The following LRBA variants were observed in gnomAD, a reference collection of about 807,000 sequenced individuals.
The protein encoded by LRBA is lipopolysaccharide-responsive and beige-like anchor protein.
Under a neutral mutation model 330.0 loss-of-function variants are expected in LRBA, and 176 were observed. The ratio of observed to expected loss-of-function variants is 0.53; its 90% CI spans 0.47 to 0.60. The LOEUF (loss-of-function observed/expected upper bound fraction) is 0.60, where lower values mean the gene tolerates loss of function less well. Among genes scored for constraint, LRBA ranks in the 20% least tolerant of loss-of-function variants. The pLI is 0.00. For missense variants in LRBA, 3,259 were observed against 3,444.8 expected (o/e 0.95, Z 1.35); for synonymous variants, 1,230 against 1,193.0 (o/e 1.03, Z -0.64).
chr4:150,692,592 G>C (rs1281884585), intron 36 of LRBA, among the ~76,000 whole-genome samples: 1 of 152,128 alleles, frequency 6.6e-6, no homozygotes, highest in Non-Finnish European at 1.5e-5. Context: ...CAAAAAATAG[G>C]CTCATATAGC....
intron 40 of LRBA, among the ~76,000 whole-genome samples, chr4:150,563,701 T>A (rs1008495768): frequency 1.3e-5 from 2 of 152,090 alleles, no homozygotes; most frequent in African/African-American, 4.8e-5. Flanking sequence ...GGATACGAAA[T>A]CAATGTGCAA....
intron 17 of LRBA, among the ~76,000 whole-genome samples, chr4:150,892,344 C>A (rs1729556244): frequency 6.6e-6 from 1 of 152,110 alleles, no homozygotes; most frequent in African/African-American, 2.4e-5. Context: ...GGAGAGGGAG[C>A]CTCTAAGGAA....
chr4:150,789,392 T>TA (rs1311354142), intron 34 of LRBA, among the ~76,000 whole-genome samples: 2 of 152,184 alleles, frequency 1.3e-5, no homozygotes, highest in Non-Finnish European at 2.9e-5. Context: ...GGTGCCTGAC[T>TA]AAAAAATGTA....
At chr4:150,900,003 C>T in intron 14 of LRBA, 46 bp downstream of exon 14, 1 of 1,401,200 alleles carries the variant, frequency 7.1e-7, no homozygotes, top group Non-Finnish European at 9.7e-7. Flanking sequence ...AAATTAAATC[C>T]TGATTTGCAT....
At chr4:150,992,174 G>A (rs989736070) in intron 2 of LRBA, among the ~76,000 whole-genome samples, 5 of 152,006 alleles carry the variant, frequency 3.3e-5, no homozygotes, top group Non-Finnish European at 7.4e-5. Flanking sequence ...AAATTAGCTG[G>A]ACACAGTAGC....
Position 150,583,391 on chromosome 4 carries a change from G to C in LRBA, c.6330+4657C>G, listed in dbSNP as rs1771658862. 1.2e-6 allele frequency: 2 copies of C among 1,613,914 alleles called. No individual in the cohort carries two copies. The highest frequency in any genetic ancestry group is 1.7e-5 in the Admixed American group (1 of 60,014). ...TGGGTCGAGTTCATCACGGCGTCGG[G>C]CTATCTCTCAGCGCGTAAGATCCGC... On this transcript the variant is annotated intron_variant, in intron 40 of 56. Transcript: ENST00000651943. This position sits in a 1 kb window ranked among gnomAD's most constrained non-coding sequence, Gnocchi z 9.8.
At chr4:150,684,834 T>C (rs1457427962) in intron 36 of LRBA, among the ~76,000 whole-genome samples, 1 of 152,142 alleles carries the variant, frequency 6.6e-6, no homozygotes, top group Non-Finnish European at 1.5e-5. Context: ...ATATGCATTG[T>C]GGATGCTTGC....
chr4:150,852,503 G>T lies in LRBA; in HGVS notation c.3207C>A (p.Gly1069=), dbSNP rs762031957. 3.3e-5 allele frequency: 54 copies of T among 1,613,594 alleles called. No individual in the cohort carries two copies. In the Admixed American group the frequency reaches 9.0e-4, roughly 27 times the overall value. The change falls in exon 23 of 57, where the codon GGC becomes GGA. Residue 1069 remains glycine, a synonymous_variant. Coordinates refer to ENST00000651943, the MANE Select transcript of LRBA (RefSeq NM_001364905.1). ...AISSNSFITT[G]KDSMTVSEVT... Reference sequence around the variant, plus strand: ...CTTCACTGACAGTCATTGAATCTTTGCCAGTTGTTATAAAAGAATTAGAGG... The same window carrying T: ...CTTCACTGACAGTCATTGAATCTTTTCCAGTTGTTATAAAAGAATTAGAGG...
rs747126157 is a variant in LRBA, at chr4:150,321,120, T to G, written c.7630+71A>C. On this transcript the variant is annotated intron_variant, in intron 50 of 56. Coordinates refer to ENST00000651943, the MANE Select transcript of LRBA (RefSeq NM_001364905.1). The surrounding 1 kb of genome is among the most constrained non-coding windows in gnomAD (Gnocchi z 4.5). ...AATTAAAAGCTTAAATGTTGAGATA[T>G]GCTATATTTAAGTGGGTATTACACA... is the stretch of plus-strand genomic sequence containing the variant. 1.6e-4 allele frequency: 203 copies of G among 1,247,050 alleles called. No individual in the cohort carries two copies. Among genetic ancestry groups the G allele is most frequent in the Non-Finnish European group, 2.2e-4 (199 of 892,346 alleles). 77.2% of individuals were successfully genotyped at this position (1,247,050 alleles called of 1,614,324 possible). A position where few individuals can be genotyped will look rare whatever the true frequency, so the allele number is the denominator to read the frequency against.
At chr4:150,458,707 A>AT (rs1318483313) in intron 44 of LRBA, among the ~76,000 whole-genome samples, 1 of 151,152 alleles carries the variant, frequency 6.6e-6, no homozygotes, top group African/African-American at 2.4e-5. Flanking sequence ...TTGTTTTATG[A>AT]TTATTCACTT....
intron 53 of LRBA, among the ~76,000 whole-genome samples, chr4:150,293,967 A>G (rs1728655439): frequency 1.3e-5 from 2 of 152,256 alleles, no homozygotes; most frequent in African/African-American, 4.8e-5. Flanking sequence ...ACAGTATATG[A>G]TACATATAAC....
rs934661405 is a variant in LRBA, at chr4:150,880,930, G to GA, written c.2166-8176dup. Among the ~76,000 whole-genome samples, 2 of 152,040 alleles carry GA rather than the reference G, an allele frequency of 1.3e-5. 1 individual carries two copies. The highest frequency in any genetic ancestry group is 2.9e-5 in the Non-Finnish European group (2 of 68,008). ...ACATACAAGCAGGCAACAAACATATGAAAAAATGCTTAATTAACATCGCTA... is the reference window on the plus strand; with the variant it reads ...ACATACAAGCAGGCAACAAACATATGAAAAAAATGCTTAATTAACATCGCTA... On this transcript the variant is annotated intron_variant, in intron 17 of 56. Coordinates refer to ENST00000651943, the MANE Select transcript of LRBA (RefSeq NM_001364905.1).
rs377211427 is a variant in LRBA at position 150,828,474 on chromosome 4, G to A, written c.4877C>T (p.Ala1626Val). ...GSHVEVTPHT[A>V]PPGVSAGPDA... is the part of the protein sequence containing the mutation. ...TGGGCCTGCACTGACACCAGGAGGT[G>A]CTGTGTGAGGAGTTACTTCCACATG... The change falls in exon 30 of 57, where the codon GCA becomes GTA. Residue 1626 changes from alanine (A) to valine (V), a missense_variant. Physicochemically the swap from Ala to Val is moderately conservative, Grantham distance 64. Transcript: ENST00000651943. 92 of 1,613,992 alleles carry A rather than the reference G, an allele frequency of 5.7e-5. No homozygotes were observed. Among genetic ancestry groups the A allele is most frequent in the Non-Finnish European group, 6.7e-5 (79 of 1,180,006 alleles).
intron 2 of LRBA, among the ~76,000 whole-genome samples, chr4:151,002,522 G>A (rs1286576723): frequency 6.7e-6 from 1 of 148,916 alleles, no homozygotes; most frequent in African/African-American, 2.5e-5. Flanking sequence ...CTGAGACTGT[G>A]CCATCACACT....
intron 47 of LRBA, among the ~76,000 whole-genome samples, chr4:150,374,774 A>G (rs923451890): frequency 3.9e-5 from 6 of 152,228 alleles, no homozygotes; most frequent in African/African-American, 1.4e-4. Context: ...CAGGTAAGGG[A>G]TACTCAACTG....
intron 44 of LRBA, among the ~76,000 whole-genome samples, chr4:150,462,178 C>T (rs1391664351): frequency 6.6e-6 from 1 of 151,758 alleles, no homozygotes; most frequent in South Asian, 2.1e-4. Flanking sequence ...ACTCCAAATT[C>T]TATGCATGGT....
chr4:150,639,643 T>C (rs1581890364), intron 37 of LRBA, among the ~76,000 whole-genome samples: 1 of 133,888 alleles, frequency 7.5e-6, no homozygotes, highest in East Asian at 2.2e-4. Context: ...AGTTCAATAA[T>C]AATAATGGTC....
chr4:150,905,985 G>A lies in LRBA; in HGVS notation c.1608C>T (p.Ser536=), dbSNP rs943728638. The A allele has an allele frequency of 6.2e-6, 10 of 1,612,088 alleles. No individual in the cohort carries two copies. In the South Asian group the frequency reaches 8.8e-5, roughly 14 times the overall value. The change falls in exon 13 of 57, where the codon TCC becomes TCT. Residue 536 remains serine, a synonymous_variant. Coordinates refer to ENST00000651943, the MANE Select transcript of LRBA (RefSeq NM_001364905.1). Reference sequence around the variant, plus strand: ...GTACTGCTCTGCTAACATGAGATTTGGAAGACTGCAAAAAAAGTAGTTCAA... The same window carrying A: ...GTACTGCTCTGCTAACATGAGATTTAGAAGACTGCAAAAAAAGTAGTTCAA... The part of the protein sequence containing the change: ...LVIGYSLEKS[S]KSHVSRAVLE...
chr4:150,584,282 C>T, intron 40 of LRBA: 1 of 614,406 alleles, frequency 1.6e-6, no homozygotes, highest in Non-Finnish European at 2.6e-6. Context: ...AGCAACCCAA[C>T]CAAAACAAAT....
Sources: gnomAD v4.1 joint callset for allele counts (sites outside exome capture counted in the v4.1 genomes callset) on GRCh38, gnomAD v4.1.1 for gene constraint, Gnocchi (gnomAD v3.1) non-coding constraint, MANE v1.5 for transcripts, NCBI Gene and HGNC (gene_info 2026-07-23, HGNC 2026-07-21) for gene names.